Variants in PFDN6 observed in about 807,000 individuals in gnomAD.
PFDN6 encodes HLA class II region expressed gene KE2.
PFDN6 carries 5 observed loss-of-function variants against 19.3 expected under a neutral mutation model. The observed-to-expected ratio is 0.26, with a 90% confidence interval of 0.14 to 0.55. PFDN6 has a LOEUF of 0.55. PFDN6 is among the 20% of genes least tolerant of loss of function. The pLI, the probability that PFDN6 is intolerant of heterozygous loss-of-function variation, is 0.94. For synonymous variants in PFDN6, 51 were observed against 63.4 expected, an observed-to-expected ratio of 0.80 and a Z score of 0.93; for missense variants, 101 against 149.4, an observed-to-expected ratio of 0.68 and a Z score of 1.69.
At chr6:33,289,460 T>A, upstream of PFDN6, 1 of 1,289,630 alleles carries the variant, frequency 7.8e-7, no homozygotes, top group Non-Finnish European at 9.8e-7. Context: ...AGTTTCCCCA[T>A]CTTGCCTAAA....
rs1238826132 is a variant in PFDN6 at position 33,290,889 on chromosome 6, G to A, written c.*44G>A. 1 of 1,538,232 alleles carries A rather than the reference G, an allele frequency of 6.5e-7. No individual in the cohort carries two copies. The highest frequency in any genetic ancestry group is 1.2e-5 in the South Asian group (1 of 86,520). ...GGAGGGGAGGGGAGGGAATGAGGCA[G>A]CTCTAGGATCTATACTGTAGCTAAT... On this transcript the variant is annotated 3_prime_UTR_variant, in exon 4 of 4. Transcript: ENST00000374606.
chr6:33,290,628 C>T lies in PFDN6; in HGVS notation c.261-88C>T, dbSNP rs947165106. 6 of 1,531,766 alleles carry T rather than the reference C, an allele frequency of 3.9e-6. No homozygotes were observed. The African/African-American group carries it at 5.5e-5, about 14-fold the overall frequency. 94.9% of individuals were successfully genotyped at this position (1,531,766 alleles called of 1,614,324 possible). A position where few individuals can be genotyped will look rare whatever the true frequency, so the allele number is the denominator to read the frequency against. ...CTCCCTCCCCTGGATCTCAAGTTTT[C>T]CACCTATCTCTTTCTTGCGTTTAGC... On this transcript the variant is annotated intron_variant, in intron 3 of 3. Coordinates refer to ENST00000374606, the MANE Select transcript of PFDN6 (RefSeq NM_001185181.3).
rs1337628534 is a variant in PFDN6, at chr6:33,290,811, A to G, written c.356A>G (p.Gln119Arg). The G allele has an allele frequency of 1.3e-6, 2 of 1,599,644 alleles. No homozygotes were observed. Among genetic ancestry groups the G allele is most frequent in the Non-Finnish European group, 8.5e-7 (1 of 1,177,704 alleles). The change falls in exon 4 of 4, where the codon CAG becomes CGG. Residue 119 changes from glutamine to arginine, a missense_variant. This residue lies in a region of PFDN6 where 47 missense variants were observed against 40.6 expected (regional missense o/e 1.16). Transcript: ENST00000374606. ...CTGCAGCAGGAGTTCCAGCGGGCCCAGGCAGCAAAGGCAGGGGCTCCTGGC... is the reference window on the plus strand; with the variant it reads ...CTGCAGCAGGAGTTCCAGCGGGCCCGGGCAGCAAAGGCAGGGGCTCCTGGC... Reference protein sequence around the residue: ...AQLQQEFQRAQAAKAGAPGKA With the variant: ...AQLQQEFQRARAAKAGAPGKA
Position 33,289,822 on chromosome 6 carries a change from C to T in PFDN6, c.-35C>T. 6.5e-7 allele frequency: 1 copy of T among 1,548,722 alleles called. No homozygotes were observed. Among genetic ancestry groups the T allele is most frequent in the Non-Finnish European group, 8.7e-7 (1 of 1,144,774 alleles). On this transcript the variant is annotated 5_prime_UTR_variant, in exon 1 of 4. Transcript: ENST00000374606. Reference sequence around the variant, plus strand: ...CCTTCCAGAGAGTGAGACCCAGCGCCCTTGTCTCGCACCCAGTAGGCTTTC... The same window carrying T: ...CCTTCCAGAGAGTGAGACCCAGCGCTCTTGTCTCGCACCCAGTAGGCTTTC...
At position 33,290,467 on chromosome 6, in the gene PFDN6, C is replaced by T. The variant is rs760523111; in HGVS notation, c.260+17C>T. The T allele has an allele frequency of 6.5e-7, 1 of 1,539,624 alleles. No homozygotes were observed. ...AGCTGAAATGTGAGTTTTTATTCCA[C>T]CACCGTGTGCTGCACCCTGTGATGC... On this transcript the variant is annotated intron_variant, in intron 3 of 3. Coordinates refer to ENST00000374606, the MANE Select transcript of PFDN6 (RefSeq NM_001185181.3).
At position 33,290,854 on chromosome 6, in the gene PFDN6, TGGG is replaced by T; in HGVS notation, c.*13_*15del. On this transcript the variant is annotated 3_prime_UTR_variant, in exon 4 of 4. Transcript: ENST00000374606. ...CTCCTGGCAAGGCCTGACCCCATGG[TGGG>T]GGGAGGGGAGGGGAGGGGAGGGAAT... is the stretch of plus-strand genomic sequence containing the variant. 7.3e-7 allele frequency: 1 copy of T among 1,370,782 alleles called. No homozygotes were observed. The highest frequency in any genetic ancestry group is 1.0e-6 in the Non-Finnish European group (1 of 994,236). 84.9% of individuals were successfully genotyped at this position (1,370,782 alleles called of 1,614,324 possible).
rs1354854554 is a variant in PFDN6, at chr6:33,290,901, A to G, written c.*56A>G. 1.4e-6 allele frequency: 2 copies of G among 1,470,810 alleles called. No homozygotes were observed. The highest frequency in any genetic ancestry group is 2.4e-5 in the East Asian group (1 of 41,146). 91.1% of individuals were successfully genotyped at this position (1,470,810 alleles called of 1,614,324 possible). A position where few individuals can be genotyped will look rare whatever the true frequency, so the allele number is the denominator to read the frequency against. On this transcript the variant is annotated 3_prime_UTR_variant, in exon 4 of 4. Coordinates refer to ENST00000374606, the MANE Select transcript of PFDN6 (RefSeq NM_001185181.3). Reference sequence around the variant, plus strand: ...AGGGAATGAGGCAGCTCTAGGATCTATACTGTAGCTAATAAAATGTAAAAA... The same window carrying G: ...AGGGAATGAGGCAGCTCTAGGATCTGTACTGTAGCTAATAAAATGTAAAAA...
rs1284708621 is a variant in PFDN6, at chr6:33,290,320, C to T, written c.136-6C>T. On this transcript the variant is annotated splice_region_variant and splice_polypyrimidine_tract_variant and intron_variant, in intron 2 of 3. Coordinates refer to ENST00000374606, the MANE Select transcript of PFDN6 (RefSeq NM_001185181.3). The stretch of plus-strand genomic sequence containing the variant: ...TCTGATCACATATGTCCCATCCCTC[C>T]ATCAGGAACTGGCCCTGCTGGATGG... 6.2e-7 allele frequency: 1 copy of T among 1,609,794 alleles called. No homozygotes were observed. Among genetic ancestry groups the T allele is most frequent in the African/African-American group, 1.3e-5 (1 of 74,872 alleles).
chr6:33,289,840 A>G lies in PFDN6; in HGVS notation c.-17A>G. On this transcript the variant is annotated 5_prime_UTR_variant, in exon 1 of 4. Coordinates refer to ENST00000374606, the MANE Select transcript of PFDN6 (RefSeq NM_001185181.3). ...CCAGCGCCCTTGTCTCGCACCCAGT[A>G]GGCTTTCATCCCCGCCATGGCGGAG... 6.3e-7 allele frequency: 1 copy of G among 1,580,650 alleles called. No homozygotes were observed. The highest frequency in any genetic ancestry group is 8.6e-7 in the Non-Finnish European group (1 of 1,165,320).
In PFDN6 at chr6:33,290,713, T is replaced by C. The variant is rs1203257748; in HGVS notation, c.261-3T>C. The C allele has an allele frequency of 1.2e-6, 2 of 1,613,288 alleles. No homozygotes were observed. The highest frequency in any genetic ancestry group is 3.3e-5 in the Admixed American group (2 of 59,994). ...TCTGCTTGTCTCCCTTGTCTCTCCT[T>C]AGTAAGCGATACGAATCCCAGCTTC... On this transcript the variant is annotated splice_region_variant and splice_polypyrimidine_tract_variant and intron_variant, in intron 3 of 3. Coordinates refer to ENST00000374606, the MANE Select transcript of PFDN6 (RefSeq NM_001185181.3).
Position 33,290,699 on chromosome 6 carries a change from C to T in PFDN6, c.261-17C>T. 2 of 1,612,448 alleles carry T rather than the reference C, an allele frequency of 1.2e-6. No individual in the cohort carries two copies. Among genetic ancestry groups the T allele is most frequent in the East Asian group, 2.2e-5 (1 of 44,844 alleles). On this transcript the variant is annotated splice_polypyrimidine_tract_variant and intron_variant, in intron 3 of 3. Transcript: ENST00000374606. ...CTAATTTCTCCCTTTCTGCTTGTCT[C>T]CCTTGTCTCTCCTTAGTAAGCGATA...
upstream of PFDN6, chr6:33,289,448 T>G: frequency 7.7e-7 from 1 of 1,293,592 alleles, no homozygotes; most frequent in Non-Finnish European, 9.8e-7. Context: ...TTTTTCTGGA[T>G]TAGTTTCCCC....
chr6:33,290,419 G>A lies in PFDN6; in HGVS notation c.229G>A (p.Gly77Arg). Reference protein sequence around the residue: ...QELGEARATVGKRLDYITAEI... With the variant: ...QELGEARATVRKRLDYITAEI... ...GCTGGGGGAGGCTCGGGCCACAGTA[G>A]GGAAGAGGCTGGACTATATCACAGC... Residue 77 changes from glycine to arginine, a missense_variant, in exon 3 of 4, where the codon GGG (glycine) becomes AGG (arginine). By Grantham distance (125) the Gly-to-Arg change is moderately radical. Around this residue, in one of 2 missense-constraint regions of PFDN6, gnomAD observed 54 missense variants for 108.8 expected, o/e 0.50. Transcript: ENST00000374606. 1 of 1,593,592 alleles carries A rather than the reference G, an allele frequency of 6.3e-7. No homozygotes were observed. The highest frequency in any genetic ancestry group is 1.8e-5 in the Admixed American group (1 of 57,078).
intron 1 of PFDN6, 22 bp downstream of exon 1, chr6:33,289,942 G>C: frequency 6.3e-7 from 1 of 1,587,274 alleles, no homozygotes. Flanking sequence ...GGGTCGGTAT[G>C]GTCTCGCCCA....
upstream of PFDN6, chr6:33,289,204 C>T (rs1413071219): frequency 6.3e-7 from 1 of 1,596,598 alleles, no homozygotes. Flanking sequence ...ACGTGCAAAA[C>T]TCCTCTCAGC....
At position 33,289,803 on chromosome 6, in the gene PFDN6, A is replaced by G. The variant is rs1168001482; in HGVS notation, c.-54A>G. 7.7e-6 allele frequency: 11 copies of G among 1,422,766 alleles called. No homozygotes were observed. The highest frequency in any genetic ancestry group is 2.3e-5 in the East Asian group (1 of 43,428). 88.1% of individuals were successfully genotyped at this position (1,422,766 alleles called of 1,614,324 possible). On this transcript the variant is annotated 5_prime_UTR_variant, in exon 1 of 4. Transcript: ENST00000374606. The stretch of plus-strand genomic sequence containing the variant: ...AGAAAAGGGAGCTCAGGTACCTTCC[A>G]GAGAGTGAGACCCAGCGCCCTTGTC...
chr6:33,290,065 C>A, intron 1 of PFDN6, 109 bp from the exon 2 acceptor site: 1 of 1,347,026 alleles, frequency 7.4e-7, no homozygotes, highest in Non-Finnish European at 1.1e-6. Flanking sequence ...TTCACTCACC[C>A]GCTGCCCCCA....
rs766270366 is a variant in PFDN6, at chr6:33,290,855, G to T, written c.*10G>T. On this transcript the variant is annotated 3_prime_UTR_variant, in exon 4 of 4. Coordinates refer to ENST00000374606, the MANE Select transcript of PFDN6 (RefSeq NM_001185181.3). The stretch of plus-strand genomic sequence containing the variant: ...TCCTGGCAAGGCCTGACCCCATGGT[G>T]GGGGGAGGGGAGGGGAGGGGAGGGA... The T allele has an allele frequency of 5.7e-6, 9 of 1,592,306 alleles. No individual in the cohort carries two copies. The East Asian group carries it at 1.8e-4, about 32-fold the overall frequency.
Position 33,289,616 on chromosome 6 carries a change from A to G in PFDN6, c.-241A>G, listed in dbSNP as rs1351539806. 3.4e-6 allele frequency: 2 copies of G among 590,614 alleles called. No individual in the cohort carries two copies. Among genetic ancestry groups the G allele is most frequent in the Admixed American group, 3.8e-5 (1 of 26,078 alleles). 36.6% of individuals were successfully genotyped at this position (590,614 alleles called of 1,614,324 possible). The stretch of plus-strand genomic sequence containing the variant: ...TTCCGGGTTTATTACTACTGAAGGA[A>G]GAACGTGAGTAGGTTAGGATTTCGG... On this transcript the variant is annotated 5_prime_UTR_variant, in exon 1 of 4. Transcript: ENST00000374606.
Sources: allele counts gnomAD v4.1 joint callset, GRCh38; gene constraint gnomAD v4.1.1; regional missense constraint gnomAD v4.1.1; transcripts MANE v1.5; gene names NCBI Gene and HGNC (gene_info 2026-07-23, HGNC 2026-07-21).